Variants in SLIT1 observed in about 807,000 individuals in gnomAD.
The protein encoded by SLIT1 is slit guidance ligand 1.
In SLIT1, 66 loss-of-function variants were observed where a neutral mutation model predicts 186.1. The ratio of observed to expected loss-of-function variants is 0.35; its 90% CI spans 0.29 to 0.44. The LOEUF is 0.44. Ranked by LOEUF, SLIT1 falls within the 20% of genes least tolerant of loss-of-function variation. SLIT1 has a pLI of 1.00. For missense variants in SLIT1, 1,638 were observed against 2,037.4 expected (o/e 0.80, Z 3.77); for synonymous variants, 761 against 833.8 (o/e 0.91, Z 1.50).
chr10:97,086,006 AG>A (rs780359018), intron 4 of SLIT1, among the ~76,000 whole-genome samples: 1 of 152,248 alleles, frequency 6.6e-6, no homozygotes, highest in Non-Finnish European at 1.5e-5. Context: ...TTTGCTGGTG[AG>A]GATATGAAAT....
At chr10:97,030,007 G>T (rs547248157) in intron 25 of SLIT1, among the ~76,000 whole-genome samples, 9 of 152,170 alleles carry the variant, frequency 5.9e-5, no homozygotes, top group African/African-American at 2.2e-4. Context: ...TATGTAGTAC[G>T]TTTTGTTTAT....
intron 25 of SLIT1, among the ~76,000 whole-genome samples, chr10:97,028,399 T>A (rs1287122090): frequency 6.6e-6 from 1 of 152,130 alleles, no homozygotes; most frequent in Non-Finnish European, 1.5e-5. Context: ...GCACAAATGG[T>A]CCTTCACAAC....
chr10:97,056,746 T>C (rs1297617691), intron 12 of SLIT1, among the ~76,000 whole-genome samples: 1 of 137,950 alleles, frequency 7.2e-6, no homozygotes. Context: ...GAGAGCCACC[T>C]TGTGAAGGCA....
chr10:97,117,975 G>A (rs747163475), intron 4 of SLIT1, among the ~76,000 whole-genome samples: 1 of 152,172 alleles, frequency 6.6e-6, no homozygotes, highest in Non-Finnish European at 1.5e-5. Context: ...AGAAGGTCAG[G>A]GGTAAGGCTC....
In SLIT1 at chr10:97,004,662, A is replaced by T; in HGVS notation, c.3710+31T>A. On this transcript the variant is annotated intron_variant, in intron 33 of 36. Transcript: ENST00000266058. The surrounding 1 kb of genome is among the most constrained non-coding windows in gnomAD (Gnocchi z 5.1). ...TCGCCCTGGCAGTCCCGTACCCCTG[A>T]GGGCAGCTGGGGGGCATAAGGAAGC... The T allele has an allele frequency of 6.2e-7, 1 of 1,613,634 alleles. No individual in the cohort carries two copies. The highest frequency in any genetic ancestry group is 8.5e-7 in the Non-Finnish European group (1 of 1,179,738).
chr10:97,119,949 A>C (rs1849546352), intron 4 of SLIT1, among the ~76,000 whole-genome samples: 1 of 141,412 alleles, frequency 7.1e-6, no homozygotes, highest in Non-Finnish European at 1.5e-5. Context: ...ATATATATGT[A>C]TATGTATATA....
chr10:97,157,299 C>T (rs1849964414), intron 4 of SLIT1: 1 of 152,616 alleles, frequency 6.6e-6, no homozygotes, highest in Non-Finnish European at 1.5e-5. Flanking sequence ...GAATTAGCAA[C>T]TATCCTTCGA....
In SLIT1 at chr10:97,006,700, G is replaced by A; in HGVS notation, c.3362C>T (p.Pro1121Leu). 1 of 1,613,776 alleles carries A rather than the reference G, an allele frequency of 6.2e-7. No homozygotes were observed. Among genetic ancestry groups the A allele is most frequent in the Non-Finnish European group, 8.5e-7 (1 of 1,179,766 alleles). ...EGYSGQLCEI[P>L]PHLPAPKSPC... ...GCTCTTGGGGGCAGGCAGATGGGGAGGGATCTCACAGAGCTGTCCACTGAG... is the reference window on the plus strand; with the variant it reads ...GCTCTTGGGGGCAGGCAGATGGGGAAGGATCTCACAGAGCTGTCCACTGAG... The change falls in exon 32 of 37, where the codon CCT (proline) becomes CTT (leucine). Residue 1121 changes from proline to leucine, a missense_variant. Physicochemically the swap from Pro to Leu is moderately conservative, Grantham distance 98 (BLOSUM62 -3). This residue lies in a region of SLIT1 where 1,245 missense variants were observed against 1,535.3 expected (regional missense o/e 0.81). Transcript: ENST00000266058. The surrounding 1 kb of genome is among the most constrained non-coding windows in gnomAD (Gnocchi z 4.0).
chr10:97,059,964 G>A (rs1848876841), intron 10 of SLIT1, 123 bp downstream of exon 10: 1 of 830,602 alleles, frequency 1.2e-6, no homozygotes, highest in Non-Finnish European at 2.1e-6. Context: ...GGAAGGTCAG[G>A]TGGCTGGCCA....
intron 4 of SLIT1, among the ~76,000 whole-genome samples, chr10:97,110,029 C>T (rs770458868): frequency 2.6e-5 from 4 of 152,192 alleles, no homozygotes; most frequent in Non-Finnish European, 4.4e-5. Flanking sequence ...GGATCAATCC[C>T]TTATTCATTG....
chr10:97,056,295 G>A (rs1848835767), intron 13 of SLIT1, 26 bp downstream of exon 13: 2 of 1,609,194 alleles, frequency 1.2e-6, no homozygotes, highest in Non-Finnish European at 8.5e-7. Context: ...TGGGAGGGGA[G>A]AAGAAGAAGG....
intron 28 of SLIT1, among the ~76,000 whole-genome samples, chr10:97,015,640 T>C (rs1848448666): frequency 6.6e-6 from 1 of 152,190 alleles, no homozygotes; most frequent in African/African-American, 2.4e-5. Context: ...AAAGCACCCA[T>C]CCATCTCATT....
intron 4 of SLIT1, among the ~76,000 whole-genome samples, chr10:97,141,396 G>T (rs1015921603): frequency 1.3e-5 from 2 of 152,078 alleles, no homozygotes; most frequent in African/African-American, 4.8e-5. Context: ...ACAGCCCCAG[G>T]CCCCTTGACT....
chr10:97,185,583 GC>G lies in SLIT1; in HGVS notation c.91del (p.Ala31ProfsTer62). 2 of 1,602,242 alleles carry G rather than the reference GC, an allele frequency of 1.2e-6. No individual in the cohort carries two copies. The highest frequency in any genetic ancestry group is 1.7e-6 in the Non-Finnish European group (2 of 1,175,668). On this transcript the variant is annotated frameshift_variant, in exon 1 of 37. Coordinates refer to ENST00000266058, the MANE Select transcript of SLIT1 (RefSeq NM_003061.3). LOFTEE classifies it high-confidence loss of function. ...GGTGCAGAGGGCGGGGCACGCCGAGGCACCCAGGCGCCACGCGGCTGCCCAC... is the reference window on the plus strand; with the variant it reads ...GGTGCAGAGGGCGGGGCACGCCGAGGACCCAGGCGCCACGCGGCTGCCCAC... ...LLWAAAWRLG[A>X]SACPALCTCT...
intron 20 of SLIT1, 71 bp from the exon 21 acceptor site, chr10:97,040,191 C>T: frequency 7.0e-7 from 1 of 1,435,048 alleles, no homozygotes; most frequent in Non-Finnish European, 9.2e-7. Context: ...ACAGTCAGGG[C>T]CATGCTCTGG....
At position 97,004,060 on chromosome 10, in the gene SLIT1, G is replaced by A. The variant is rs368125888; in HGVS notation, c.3865+8C>T. ...GCAAAAGAGGCCCCGCCAGGGCCAG[G>A]TCCTCACCTCCCACATAGAGTGGCG... On this transcript the variant is annotated splice_region_variant and intron_variant, in intron 34 of 36. Transcript: ENST00000266058. This position sits in a 1 kb window ranked among gnomAD's most constrained non-coding sequence, Gnocchi z 5.1. 40 of 1,600,952 alleles carry A rather than the reference G, an allele frequency of 2.5e-5. No homozygotes were observed. Among genetic ancestry groups the A allele is most frequent in the Non-Finnish European group, 3.4e-5 (40 of 1,169,550 alleles).
intron 6 of SLIT1, among the ~76,000 whole-genome samples, chr10:97,064,497 G>A (rs1848925760): frequency 1.3e-5 from 2 of 152,192 alleles, no homozygotes; most frequent in Admixed American, 6.5e-5. Flanking sequence ...GCGGGTGATG[G>A]GACGCGTCCC....
At position 97,124,551 on chromosome 10, in the gene SLIT1, G is replaced by A. The variant is rs138690515; in HGVS notation, c.413+33267C>T. On this transcript the variant is annotated intron_variant, in intron 4 of 36. Transcript: ENST00000266058. Reference sequence around the variant, plus strand: ...TAGGAGCAAATGTACACTGGGGTGCGCACCCGGCTTCCCAGGGGGAGACAA... The same window carrying A: ...TAGGAGCAAATGTACACTGGGGTGCACACCCGGCTTCCCAGGGGGAGACAA... Among the ~76,000 whole-genome samples the A allele has an allele frequency of 1.1e-4, 16 of 152,294 alleles. No homozygotes were observed. In the East Asian group the frequency reaches 2.1e-3, roughly 20 times the overall value.
chr10:97,177,336 T>C (rs1210693208), intron 1 of SLIT1, among the ~76,000 whole-genome samples: 1 of 152,170 alleles, frequency 6.6e-6, no homozygotes, highest in Non-Finnish European at 1.5e-5. Flanking sequence ...CTTTCCAGCT[T>C]TATTCCTGTC....
Sources: gnomAD v4.1 joint callset for allele counts (sites outside exome capture counted in the v4.1 genomes callset) on GRCh38, gnomAD v4.1.1 for gene constraint, gnomAD v4.1.1 regional missense constraint, Gnocchi (gnomAD v3.1) non-coding constraint, MANE v1.5 for transcripts, NCBI Gene and HGNC (gene_info 2026-07-23, HGNC 2026-07-21) for gene names.